The following NCKAP5 variants were observed in gnomAD, a reference collection of about 807,000 sequenced individuals.
NCKAP5 encodes the protein NCK associated protein 5.
In NCKAP5, 92 loss-of-function variants were observed where a neutral mutation model predicts 167.0. The observed-to-expected ratio is 0.55, with a 90% CI of 0.47 to 0.66. NCKAP5 has a LOEUF of 0.66. Ranked by LOEUF, NCKAP5 falls within the 30% of genes least tolerant of loss-of-function variation. The probability of loss-of-function intolerance (pLI) is 0.00; values close to 1 mark genes in which losing one functional copy is unlikely to be tolerated. For missense variants in NCKAP5, 2,378 were observed against 2,315.0 expected, an observed-to-expected ratio of 1.03 and a Z score of -0.56; for synonymous variants, 891 against 877.4, an observed-to-expected ratio of 1.02 and a Z score of -0.27.
chr2:133,582,643 C>G, the NCKAP5 span, among the ~76,000 whole-genome samples: 1 of 152,170 alleles, frequency 6.6e-6, no homozygotes, highest in East Asian at 1.9e-4. Context: ...AAAGTGTTTC[C>G]AAGGGGCAGA....
chr2:132,775,033 G>T (rs1682428463), intron 15 of NCKAP5, among the ~76,000 whole-genome samples: 2 of 152,146 alleles, frequency 1.3e-5, no homozygotes, highest in Admixed American at 1.3e-4. Context: ...GGTTCTAGAG[G>T]TAATGGCGCT....
chr2:133,194,001 A>G (rs1471217220), intron 5 of NCKAP5, among the ~76,000 whole-genome samples: 1 of 152,150 alleles, frequency 6.6e-6, no homozygotes, highest in Admixed American at 6.6e-5. Context: ...CTGCTTTTAA[A>G]TTTAATACAC....
intron 8 of NCKAP5, among the ~76,000 whole-genome samples, chr2:132,943,466 G>A (rs930302371): frequency 6.6e-6 from 1 of 152,378 alleles, no homozygotes; most frequent in Middle Eastern, 3.4e-3. Flanking sequence ...GTATAGTGAG[G>A]AAGTGTGATA....
intron 6 of NCKAP5, among the ~76,000 whole-genome samples, chr2:133,089,862 C>T (rs544952651): frequency 1.4e-4 from 21 of 152,288 alleles, no homozygotes; most frequent in African/African-American, 5.1e-4. Flanking sequence ...CAATATATTG[C>T]TAATGGGCAG....
chr2:133,442,589 A>G (rs542238945), intron 3 of NCKAP5, among the ~76,000 whole-genome samples: 22 of 152,214 alleles, frequency 1.4e-4, no homozygotes, highest in Admixed American at 1.0e-3. Flanking sequence ...CTCCTAATTG[A>G]TGGTTCCCAG....
At chr2:132,975,667 A>G (rs1407877193) in intron 7 of NCKAP5, among the ~76,000 whole-genome samples, 3 of 152,212 alleles carry the variant, frequency 2.0e-5, no homozygotes, top group Non-Finnish European at 4.4e-5. Context: ...CTTGTAGCCC[A>G]CGGGTAGTTG....
chr2:133,215,469 A>C (rs890114465), intron 4 of NCKAP5, among the ~76,000 whole-genome samples: 11 of 152,088 alleles, frequency 7.2e-5, no homozygotes, highest in Admixed American at 7.2e-4. Context: ...CAGCAATTCC[A>C]CTCTGAGCTC....
intron 19 of NCKAP5, among the ~76,000 whole-genome samples, chr2:132,673,750 T>C (rs1684057812): frequency 6.6e-6 from 1 of 152,202 alleles, no homozygotes; most frequent in African/African-American, 2.4e-5. Flanking sequence ...TAACTTGCCA[T>C]TTTTGAATAC....
intron 9 of NCKAP5, among the ~76,000 whole-genome samples, chr2:132,875,226 A>AT (rs1233426003): frequency 6.6e-6 from 1 of 152,132 alleles, no homozygotes; most frequent in Non-Finnish European, 1.5e-5. Context: ...AGCCAGCAGT[A>AT]TTTTTAAAGG....
intron 7 of NCKAP5, among the ~76,000 whole-genome samples, chr2:132,988,550 G>T (rs1415560535): frequency 6.6e-6 from 1 of 151,372 alleles, no homozygotes; most frequent in Non-Finnish European, 1.5e-5. Context: ...AACATGTGGC[G>T]ATCTTTCTGC....
the NCKAP5 span, among the ~76,000 whole-genome samples, chr2:133,627,782 A>G: frequency 2.6e-5 from 4 of 152,238 alleles, no homozygotes; most frequent in South Asian, 8.3e-4. Context: ...AGGAAAGTGT[A>G]GCAGACTTAT....
chr2:133,130,186 G>T, intron 5 of NCKAP5, 75 bp from the exon 6 acceptor site: 1 of 1,473,156 alleles, frequency 6.8e-7, no homozygotes, highest in Non-Finnish European at 9.1e-7. Flanking sequence ...GTTATCAAGT[G>T]ATAACTTGAG....
At chr2:132,993,250 T>C (rs571411626) in intron 7 of NCKAP5, among the ~76,000 whole-genome samples, 2 of 152,356 alleles carry the variant, frequency 1.3e-5, no homozygotes, top group East Asian at 3.9e-4. Context: ...GCTGGGTCTC[T>C]ATTTGTGATT....
At chr2:133,668,886 A>G in the NCKAP5 span, among the ~76,000 whole-genome samples, 489 of 152,252 alleles carry the variant, frequency 3.2e-3, 2 homozygotes, top group African/African-American at 0.011. Context: ...CATAGTGTGT[A>G]TGTTGATATG....
chr2:133,236,873 C>T (rs1242733959), intron 4 of NCKAP5, among the ~76,000 whole-genome samples: 1 of 152,052 alleles, frequency 6.6e-6, no homozygotes, highest in Non-Finnish European at 1.5e-5. Context: ...AGGGTTTCAA[C>T]TCAAAGTCCA....
chr2:133,036,343 T>C (rs1475061510), intron 6 of NCKAP5, among the ~76,000 whole-genome samples: 1 of 151,896 alleles, frequency 6.6e-6, no homozygotes, highest in African/African-American at 2.4e-5. Flanking sequence ...ATTACCCTCA[T>C]ACAAAAACCA....
the NCKAP5 span, among the ~76,000 whole-genome samples, chr2:133,637,657 A>G: frequency 1.4e-5 from 2 of 145,746 alleles, no homozygotes; most frequent in Middle Eastern, 3.5e-3. Context: ...GAAAGAGAGA[A>G]TTAATAAACT....
At chr2:133,494,589 AC>A (rs1681764572) in intron 3 of NCKAP5, among the ~76,000 whole-genome samples, 1 of 152,140 alleles carries the variant, frequency 6.6e-6, no homozygotes, top group South Asian at 2.1e-4. Flanking sequence ...CTGAAACTCG[AC>A]TTCAGGCCAT....
At chr2:133,197,374 C>A (rs2085483779) in intron 5 of NCKAP5, among the ~76,000 whole-genome samples, 1 of 152,210 alleles carries the variant, frequency 6.6e-6, no homozygotes, top group South Asian at 2.1e-4. Context: ...CCACAGAAGG[C>A]AGGTCAGAAC....
Sources: allele counts gnomAD v4.1 joint callset (sites outside exome capture counted in the v4.1 genomes callset), GRCh38; gene constraint gnomAD v4.1.1; transcripts MANE v1.5; gene names NCBI Gene and HGNC (gene_info 2026-07-23, HGNC 2026-07-21).